TTC39C: variants seen among roughly 807,000 people sequenced by gnomAD.
The protein encoded by TTC39C is tetratricopeptide repeat protein 39C.
TTC39C carries 33 observed loss-of-function variants against 76.3 expected under a neutral mutation model. The ratio of observed to expected loss-of-function variants is 0.43; its 90% confidence interval spans 0.33 to 0.58. The LOEUF is 0.58. TTC39C is among the 20% of genes least tolerant of loss of function. The pLI, the probability that TTC39C is intolerant of heterozygous loss-of-function variation, is 0.04. For synonymous variants in TTC39C, 254 were observed against 260.6 expected, an observed-to-expected ratio of 0.97 and a Z score of 0.24; for missense variants, 595 against 701.4, an observed-to-expected ratio of 0.85 and a Z score of 1.71.
intron 6 of TTC39C, among the ~76,000 whole-genome samples, chr18:24,091,817 C>T (rs376380134): frequency 3.1e-4 from 47 of 152,054 alleles, no homozygotes; most frequent in East Asian, 9.7e-4. Flanking sequence ...GGGGCAGGCG[C>T]GGTGGCTCAC....
chr18:24,101,004 G>A (rs2084666301), intron 6 of TTC39C, among the ~76,000 whole-genome samples: 1 of 152,084 alleles, frequency 6.6e-6, no homozygotes, highest in South Asian at 2.1e-4. Flanking sequence ...GAATATGCAG[G>A]TATGCTATGT....
At chr18:24,050,992 G>T (rs996859340) in intron 1 of TTC39C, among the ~76,000 whole-genome samples, 1 of 152,028 alleles carries the variant, frequency 6.6e-6, no homozygotes, top group Non-Finnish European at 1.5e-5. Context: ...CATTCTTCAT[G>T]TACGTGTGTG....
chr18:24,087,862 T>C (rs559543395), intron 6 of TTC39C, among the ~76,000 whole-genome samples: 1 of 152,316 alleles, frequency 6.6e-6, no homozygotes, highest in South Asian at 2.1e-4. Flanking sequence ...ACGTTGTGAA[T>C]ATCCTGCATG....
intron 1 of TTC39C, among the ~76,000 whole-genome samples, chr18:24,047,005 T>A (rs2083893170): frequency 6.6e-6 from 1 of 151,948 alleles, no homozygotes; most frequent in South Asian, 2.1e-4. Flanking sequence ...CATAGAATGT[T>A]AGCATGACAT....
chr18:24,070,265 A>G (rs2084221066), intron 4 of TTC39C, among the ~76,000 whole-genome samples: 2 of 152,166 alleles, frequency 1.3e-5, no homozygotes, highest in South Asian at 4.1e-4. Flanking sequence ...ATGTTCTATG[A>G]TGTACATTCA....
intron 1 of TTC39C, among the ~76,000 whole-genome samples, chr18:23,997,332 C>T (rs894988304): frequency 4.6e-5 from 7 of 151,982 alleles, no homozygotes; most frequent in African/African-American, 1.7e-4. Flanking sequence ...AGGTGGGTCA[C>T]CTGAGGTCAG....
intron 7 of TTC39C, among the ~76,000 whole-genome samples, chr18:24,117,058 T>C (rs1300532797): frequency 2.6e-5 from 4 of 151,934 alleles, no homozygotes; most frequent in African/African-American, 9.7e-5. Flanking sequence ...GCTCAAGCGA[T>C]CCTCCCACCT....
chr18:24,065,607 A>G (rs888552241), intron 2 of TTC39C, among the ~76,000 whole-genome samples: 1 of 152,240 alleles, frequency 6.6e-6, no homozygotes, highest in Non-Finnish European at 1.5e-5. Flanking sequence ...CTGTTGTTTC[A>G]TTAGCATTTC....
chr18:24,069,105 C>T (rs1321950066), intron 3 of TTC39C, 52 bp from the exon 4 acceptor site: 5 of 1,373,636 alleles, frequency 3.6e-6, no homozygotes, highest in South Asian at 1.2e-5. Context: ...TTTGGGGGAA[C>T]TGTCGTTGTT....
chr18:24,112,088 A>T lies in TTC39C; in HGVS notation c.985-2466A>T, dbSNP rs1599336970. On this transcript the variant is annotated intron_variant, in intron 6 of 13. Transcript: ENST00000317571. ...CCATAACCTGGTCTCAGTGCTTTCA[A>T]GCCCTCTGGAGGCTGTGGGGAGAAC... Among the ~76,000 whole-genome samples, 3 of 152,182 alleles carry T rather than the reference A, an allele frequency of 2.0e-5. No homozygotes were observed. The South Asian group carries it at 6.2e-4, about 32-fold the overall frequency.
chr18:24,101,055 G>A (rs1439660430), intron 6 of TTC39C, among the ~76,000 whole-genome samples: 1 of 152,156 alleles, frequency 6.6e-6, no homozygotes, highest in Non-Finnish European at 1.5e-5. Context: ...TATTTATACT[G>A]TAGCCTGTGA....
intron 4 of TTC39C, among the ~76,000 whole-genome samples, chr18:24,077,474 C>T (rs2084321431): frequency 6.6e-6 from 1 of 152,196 alleles, no homozygotes; most frequent in African/African-American, 2.4e-5. Context: ...TGTTTTCACT[C>T]TTTCTGTATG....
chr18:23,994,056 A>G (rs1056995115), intron 1 of TTC39C, among the ~76,000 whole-genome samples: 4 of 152,230 alleles, frequency 2.6e-5, no homozygotes, highest in Non-Finnish European at 4.4e-5. Context: ...TGTTATGCAC[A>G]TGAATCTCTG....
At chr18:24,126,309 A>G (rs1009465489) in intron 10 of TTC39C, among the ~76,000 whole-genome samples, 1 of 152,160 alleles carries the variant, frequency 6.6e-6, no homozygotes, top group African/African-American at 2.4e-5. Context: ...AAGCCACTGT[A>G]GAAAATTTTT....
chr18:24,131,858 T>C (rs2085134586), intron 12 of TTC39C, 24 bp from the exon 13 acceptor site: 1 of 1,603,626 alleles, frequency 6.2e-7, no homozygotes, highest in African/African-American at 1.3e-5. Context: ...ACAGATTTTA[T>C]GGGATAATGT....
chr18:24,015,703 C>A (rs1346322624), intron 1 of TTC39C, among the ~76,000 whole-genome samples: 1 of 151,940 alleles, frequency 6.6e-6, no homozygotes, highest in Non-Finnish European at 1.5e-5. Flanking sequence ...ATTTTTCCAA[C>A]GTAAATAAAG....
intron 1 of TTC39C, among the ~76,000 whole-genome samples, chr18:24,003,774 G>A (rs2083331578): frequency 1.3e-5 from 2 of 152,098 alleles, no homozygotes; most frequent in African/African-American, 4.8e-5. Context: ...AAGAGACAAG[G>A]TCTCACTCTG....
intron 1 of TTC39C, among the ~76,000 whole-genome samples, chr18:24,019,542 T>C (rs1464012365): frequency 6.6e-6 from 1 of 152,224 alleles, no homozygotes; most frequent in Non-Finnish European, 1.5e-5. Context: ...CTAAATTGTT[T>C]AACACAGTTT....
At chr18:24,087,943 A>G (rs920999985) in intron 6 of TTC39C, among the ~76,000 whole-genome samples, 1 of 152,196 alleles carries the variant, frequency 6.6e-6, no homozygotes, top group African/African-American at 2.4e-5. Flanking sequence ...CTGGCCCTCA[A>G]TGTATGTTGG....
Sources: gnomAD v4.1 joint callset for allele counts (sites outside exome capture counted in the v4.1 genomes callset) on GRCh38, gnomAD v4.1.1 for gene constraint, MANE v1.5 for transcripts, NCBI Gene and HGNC (gene_info 2026-07-23, HGNC 2026-07-21) for gene names.